The following PRIM2 variants were observed in gnomAD, a reference collection of about 807,000 sequenced individuals.
The protein encoded by PRIM2 is DNA primase large subunit.
Under a neutral mutation model 67.3 loss-of-function variants are expected in PRIM2, and 39 were observed. That is an observed-to-expected ratio of 0.58 (90% CI 0.45 to 0.76). PRIM2 has a LOEUF of 0.76. Ranked by LOEUF, PRIM2 falls within the 30% of genes least tolerant of loss-of-function variation. The pLI is 0.00. For missense variants in PRIM2, 398 were observed against 598.7 expected (o/e 0.66, Z 3.50); for synonymous variants, 143 against 198.7 (o/e 0.72, Z 2.36).
chr6:57,515,013 G>T (rs1193892061), intron 8 of PRIM2, among the ~76,000 whole-genome samples: 1 of 152,258 alleles, frequency 6.6e-6, no homozygotes, highest in African/African-American at 2.4e-5. Context: ...TTGGTAAAAT[G>T]TATAGTCACA....
chr6:57,531,348 G>C (rs1774885359), intron 8 of PRIM2, among the ~76,000 whole-genome samples: 1 of 152,166 alleles, frequency 6.6e-6, no homozygotes, highest in Non-Finnish European at 1.5e-5. Context: ...ATTATTTGTA[G>C]AGACAGAGTC....
chr6:57,286,462 C>T, the PRIM2 span, among the ~76,000 whole-genome samples: 1 of 152,164 alleles, frequency 6.6e-6, no homozygotes, highest in African/African-American at 2.4e-5. Context: ...CACACATCTA[C>T]AACCGTCTCA....
intron 8 of PRIM2, among the ~76,000 whole-genome samples, chr6:57,514,182 T>C (rs1554348009): frequency 1.3e-5 from 2 of 152,224 alleles, no homozygotes; most frequent in African/African-American, 4.8e-5. Context: ...ATTTTGTTAA[T>C]ATGCACACAT....
chr6:57,276,919 T>C, the PRIM2 span, among the ~76,000 whole-genome samples: 1 of 149,098 alleles, frequency 6.7e-6, no homozygotes, highest in African/African-American at 2.5e-5. Context: ...ATATATGAAA[T>C]GTAAGATTTT....
chr6:57,318,635 G>T, intron 2 of PRIM2, 36 bp downstream of exon 2: 1 of 1,477,232 alleles, frequency 6.8e-7, no homozygotes, highest in Non-Finnish European at 9.2e-7. Context: ...ATATATTCTT[G>T]AGAAGCTCAC....
the PRIM2 span, among the ~76,000 whole-genome samples, chr6:57,248,846 G>A: frequency 6.6e-6 from 1 of 152,226 alleles, no homozygotes; most frequent in South Asian, 2.1e-4. Context: ...TGCCTCAATA[G>A]CAGTTTGAGA....
At chr6:57,431,177 A>G (rs1184062937) in intron 7 of PRIM2, among the ~76,000 whole-genome samples, 2 of 150,640 alleles carry the variant, frequency 1.3e-5, no homozygotes, top group Non-Finnish European at 3.0e-5. Flanking sequence ...CTTTTTTTTA[A>G]TGTGTCCAAA....
At chr6:57,389,758 C>T (rs1770268764) in intron 7 of PRIM2, among the ~76,000 whole-genome samples, 2 of 152,082 alleles carry the variant, frequency 1.3e-5, no homozygotes, top group Non-Finnish European at 2.9e-5. Flanking sequence ...CCTCTTAAAT[C>T]TTGTATCCTC....
At chr6:57,231,252 A>G in the PRIM2 span, among the ~76,000 whole-genome samples, 121 of 152,284 alleles carry the variant, frequency 7.9e-4, no homozygotes, top group Admixed American at 2.9e-3. Flanking sequence ...AAAAGTTTTT[A>G]CTTTTCCCCT....
At chr6:57,301,889 T>C in the PRIM2 span, among the ~76,000 whole-genome samples, 1 of 152,062 alleles carries the variant, frequency 6.6e-6, no homozygotes, top group Non-Finnish European at 1.5e-5. Flanking sequence ...ATTAATTCTA[T>C]GAGTGTTGAA....
At chr6:57,640,018 A>C (rs1777200994) in intron 13 of PRIM2, among the ~76,000 whole-genome samples, 1 of 152,178 alleles carries the variant, frequency 6.6e-6, no homozygotes, top group Admixed American at 6.5e-5. Flanking sequence ...CCAGCAGCAC[A>C]TCAAAAAGCT....
At chr6:57,343,567 ATG>A (rs1768568512) in intron 5 of PRIM2, among the ~76,000 whole-genome samples, 1 of 152,186 alleles carries the variant, frequency 6.6e-6, no homozygotes, top group African/African-American at 2.4e-5. Flanking sequence ...TAGAGAACAC[ATG>A]TGTTTGATAA....
chr6:57,222,429 TGG>T, the PRIM2 span: 4 of 152,280 alleles, frequency 2.6e-5, no homozygotes, highest in Admixed American at 2.6e-4. Context: ...GGGAGGGCAG[TGG>T]GGAGATCAGA....
At chr6:57,380,123 A>G in intron 6 of PRIM2, 127 bp downstream of exon 6, 2 of 712,612 alleles carry the variant, frequency 2.8e-6, no homozygotes, top group Non-Finnish European at 4.4e-6. Flanking sequence ...CTGCACAGAT[A>G]CTGTCCTCAT....
At chr6:57,224,256 G>A in the PRIM2 span, among the ~76,000 whole-genome samples, 2 of 152,162 alleles carry the variant, frequency 1.3e-5, no homozygotes, top group Non-Finnish European at 2.9e-5. Context: ...GGCAAATCCT[G>A]TCTCAAAAAT....
At chr6:57,281,201 T>A in the PRIM2 span, among the ~76,000 whole-genome samples, 2 of 152,354 alleles carry the variant, frequency 1.3e-5, no homozygotes, top group Non-Finnish European at 2.9e-5. Context: ...ATTCATCCAT[T>A]GATGAGTACT....
At chr6:57,300,797 C>T in the PRIM2 span, among the ~76,000 whole-genome samples, 2 of 151,936 alleles carry the variant, frequency 1.3e-5, no homozygotes, top group African/African-American at 4.8e-5. Context: ...CCGAGGCAGG[C>T]GGATCAAGAA....
At chr6:57,494,963 T>C (rs1416085935) in intron 7 of PRIM2, among the ~76,000 whole-genome samples, 2 of 152,244 alleles carry the variant, frequency 1.3e-5, no homozygotes, top group Non-Finnish European at 2.9e-5. Context: ...TGGTTTGTAT[T>C]GATTTTTCTG....
chr6:57,453,978 TGA>T lies in PRIM2; in HGVS notation c.694-53405_694-53404del, dbSNP rs1422357645. ...TACATCCCATCAGTACCTAATTTAT[TGA>T]GAGTTTTTAGCATGAAGGGTTGTCG... On this transcript the variant is annotated intron_variant, in intron 7 of 13. Transcript: ENST00000615550. Among the ~76,000 whole-genome samples the T allele has an allele frequency of 1.7e-3, 261 of 152,334 alleles. 5 individuals are homozygous for T. Among genetic ancestry groups the T allele is most frequent in the East Asian group, 0.016 (83 of 5,188 alleles).
Sources: allele counts gnomAD v4.1 joint callset (sites outside exome capture counted in the v4.1 genomes callset), GRCh38; gene constraint gnomAD v4.1.1; transcripts MANE v1.5; gene names NCBI Gene and HGNC (gene_info 2026-07-23, HGNC 2026-07-21).